NDST4: variants seen among roughly 807,000 people sequenced by gnomAD.
The protein encoded by NDST4 is N-deacetylase and N-sulfotransferase 4.
A neutral mutation model predicts 100.8 loss-of-function variants in NDST4; 63 were observed. The observed-to-expected ratio is 0.62, with a 90% CI of 0.51 to 0.77. The LOEUF (loss-of-function observed/expected upper bound fraction) is 0.77, where lower values mean the gene tolerates loss of function less well. Ranked by LOEUF, NDST4 falls within the 30% of genes least tolerant of loss-of-function variation. NDST4 has a pLI of 0.00. For missense variants in NDST4, 943 were observed against 1,018.4 expected (o/e 0.93, Z 1.01); for synonymous variants, 377 against 361.8 (o/e 1.04, Z -0.48).
intron 7 of NDST4, among the ~76,000 whole-genome samples, chr4:114,863,329 C>G (rs750316502): frequency 2.6e-5 from 4 of 152,188 alleles, no homozygotes; most frequent in Admixed American, 1.3e-4. Flanking sequence ...GGTCACACAG[C>G]AAGGTAGTTT....
intron 4 of NDST4, among the ~76,000 whole-genome samples, chr4:114,944,248 A>G (rs1287532038): frequency 6.6e-6 from 1 of 152,202 alleles, no homozygotes; most frequent in East Asian, 1.9e-4. Flanking sequence ...ATCAGAGAGA[A>G]GAAAGAGTGA....
intron 6 of NDST4, among the ~76,000 whole-genome samples, chr4:114,923,658 T>G (rs1335447757): frequency 6.6e-6 from 1 of 152,078 alleles, no homozygotes; most frequent in Non-Finnish European, 1.5e-5. Context: ...TCACTGATAA[T>G]GTTTGCAAAC....
At chr4:115,004,802 G>A (rs944942727) in intron 2 of NDST4, among the ~76,000 whole-genome samples, 1 of 152,080 alleles carries the variant, frequency 6.6e-6, no homozygotes, top group Non-Finnish European at 1.5e-5. Flanking sequence ...AGTTCCCAGG[G>A]TTTTTCCTAA....
chr4:114,994,713 T>C (rs80078746), intron 2 of NDST4, among the ~76,000 whole-genome samples: 3 of 152,156 alleles, frequency 2.0e-5, no homozygotes, highest in African/African-American at 4.8e-5. Flanking sequence ...TAGATGATGA[T>C]ACAACAAGAA....
At chr4:114,874,644 A>G (rs1306852113) in intron 6 of NDST4, among the ~76,000 whole-genome samples, 1 of 152,200 alleles carries the variant, frequency 6.6e-6, no homozygotes, top group Non-Finnish European at 1.5e-5. Context: ...GTGCAGACAC[A>G]GCATTTTAGT....
At chr4:114,828,220 G>A (rs1043128520) in intron 13 of NDST4, among the ~76,000 whole-genome samples, 1 of 152,002 alleles carries the variant, frequency 6.6e-6, no homozygotes, top group Admixed American at 6.6e-5. Context: ...AAGAAAAAAC[G>A]ATGACAGGAG....
At chr4:114,933,123 C>T (rs1725548520) in intron 6 of NDST4, among the ~76,000 whole-genome samples, 1 of 152,014 alleles carries the variant, frequency 6.6e-6, no homozygotes, top group Non-Finnish European at 1.5e-5. Context: ...TAAAGAGTGA[C>T]ATAAAGACCA....
chr4:115,085,907 T>G (rs1332626986), intron 1 of NDST4, among the ~76,000 whole-genome samples: 2 of 152,202 alleles, frequency 1.3e-5, no homozygotes, highest in East Asian at 1.9e-4. Context: ...TCATACTTCA[T>G]GTACAGCAGA....
chr4:115,019,243 C>G (rs1050635990), intron 2 of NDST4, among the ~76,000 whole-genome samples: 1 of 151,916 alleles, frequency 6.6e-6, no homozygotes, highest in African/African-American at 2.4e-5. Context: ...TCTTTAGTGT[C>G]CCCCCAAAAC....
At chr4:115,106,995 T>C (rs1729845957) in intron 1 of NDST4, among the ~76,000 whole-genome samples, 1 of 151,890 alleles carries the variant, frequency 6.6e-6, no homozygotes, top group Non-Finnish European at 1.5e-5. Context: ...TTACAAAAAA[T>C]ATGAATAATA....
intron 6 of NDST4, among the ~76,000 whole-genome samples, chr4:114,877,087 C>CACACACACAG (rs367579960): frequency 6.6e-6 from 1 of 151,486 alleles, no homozygotes; most frequent in African/African-American, 2.4e-5. Context: ...CACACACACA[C>CACACACACAG]GCGTGCACGC....
At position 115,088,670 on chromosome 4, in the gene NDST4, C is replaced by G. The variant is rs546545393; in HGVS notation, c.-246-11388G>C. ...CCCGCCCCCAATCCAAGCAACTGCC[C>G]TAATTTTTCTCTTTAGCTTCAGAGT... On this transcript the variant is annotated intron_variant, in intron 1 of 13. Coordinates refer to ENST00000264363, the MANE Select transcript of NDST4 (RefSeq NM_022569.3). Among the ~76,000 whole-genome samples, 185 of 151,974 alleles carry G rather than the reference C, an allele frequency of 1.2e-3. 1 individual carries two copies. The highest frequency in any genetic ancestry group is 0.01 in the Middle Eastern group (3 of 294).
At chr4:114,916,506 A>G (rs1157082288) in intron 6 of NDST4, among the ~76,000 whole-genome samples, 1 of 149,206 alleles carries the variant, frequency 6.7e-6, no homozygotes, top group East Asian at 2.0e-4. Context: ...TACTCTGTCT[A>G]GTTCAGATGT....
At chr4:114,833,847 A>G (rs1236975303) in intron 11 of NDST4, 132 bp from the exon 12 acceptor site, 1 of 568,918 alleles carries the variant, frequency 1.8e-6, no homozygotes, top group Non-Finnish European at 3.1e-6. Flanking sequence ...CCTACTTAGA[A>G]TACATCCGAA....
At chr4:114,930,303 T>C (rs1171040393) in intron 6 of NDST4, among the ~76,000 whole-genome samples, 1 of 152,202 alleles carries the variant, frequency 6.6e-6, no homozygotes, top group Non-Finnish European at 1.5e-5. Flanking sequence ...TTCTGAGAAA[T>C]GAAGTTTCTT....
intron 4 of NDST4, among the ~76,000 whole-genome samples, chr4:114,963,089 A>C (rs1487288591): frequency 3.9e-5 from 6 of 152,238 alleles, no homozygotes; most frequent in Admixed American, 2.0e-4. Flanking sequence ...ATATCTCCAC[A>C]CAAAAACTTG....
intron 2 of NDST4, among the ~76,000 whole-genome samples, chr4:115,046,171 C>T (rs1728460836): frequency 6.6e-6 from 1 of 152,142 alleles, no homozygotes; most frequent in African/African-American, 2.4e-5. Flanking sequence ...TCAGGAAAGG[C>T]TGAAGGGGCT....
At chr4:114,976,189 AC>A (rs1726630255) in intron 3 of NDST4, among the ~76,000 whole-genome samples, 1 of 152,096 alleles carries the variant, frequency 6.6e-6, no homozygotes. Flanking sequence ...ACTAAAGACT[AC>A]CTTTGAATAG....
chr4:114,847,416 A>AAAAAAAAAAAAAAAAAAAAAAAAAT (rs1391736224), intron 9 of NDST4, among the ~76,000 whole-genome samples: 1 of 103,598 alleles, frequency 9.7e-6, no homozygotes, highest in Non-Finnish European at 1.9e-5. Flanking sequence ...AAAAAAAAAA[A>AAAAAAAAAAAAAAAAAAAAAAAAAT]GTGTCTTTCA....
Sources: allele counts gnomAD v4.1 joint callset (sites outside exome capture counted in the v4.1 genomes callset), GRCh38; gene constraint gnomAD v4.1.1; transcripts MANE v1.5; gene names NCBI Gene and HGNC (gene_info 2026-07-23, HGNC 2026-07-21).